The following CACNA1C variants were observed in gnomAD, a reference collection of about 807,000 sequenced individuals.
CACNA1C encodes voltage-dependent L-type calcium channel subunit alpha-1C.
In CACNA1C, 30 loss-of-function variants were observed where a neutral mutation model predicts 229.0. The ratio of observed to expected loss-of-function variants is 0.13; its 90% CI spans 0.10 to 0.18. The LOEUF (loss-of-function observed/expected upper bound fraction) is 0.18, where lower values mean the gene tolerates loss of function less well. Among genes scored for constraint, CACNA1C ranks in the 10% least tolerant of loss-of-function variants. CACNA1C has a pLI of 1.00. For synonymous variants in CACNA1C, 1,114 were observed against 1,132.5 expected, an observed-to-expected ratio of 0.98 and a Z score of 0.33; for missense variants, 1,658 against 2,845.0, an observed-to-expected ratio of 0.58 and a Z score of 9.49.
chr12:2,412,567 G>C (rs758821043), intron 3 of CACNA1C, among the ~76,000 whole-genome samples: 2 of 152,346 alleles, frequency 1.3e-5, no homozygotes, highest in Non-Finnish European at 2.9e-5. Flanking sequence ...ATTGAGCTGC[G>C]AGTGAGTAAG....
intron 9 of CACNA1C, among the ~76,000 whole-genome samples, chr12:2,517,183 TCA>T (rs2099798683): frequency 2.0e-5 from 3 of 152,204 alleles, no homozygotes; most frequent in African/African-American, 7.2e-5. Context: ...TCCTGGCAAA[TCA>T]GCCTTACCCT....
At chr12:2,196,780 C>T (rs1392691684) in intron 3 of CACNA1C, among the ~76,000 whole-genome samples, 1 of 152,202 alleles carries the variant, frequency 6.6e-6, no homozygotes, top group African/African-American at 2.4e-5. Context: ...TGTCTGCAGG[C>T]AGTCCCAGGG....
chr12:2,256,089 A>ACGATCCTGACCTGACTAGTTTACAAT (rs1600946534), intron 3 of CACNA1C, among the ~76,000 whole-genome samples: 2 of 152,238 alleles, frequency 1.3e-5, no homozygotes, highest in Admixed American at 6.5e-5. Flanking sequence ...TTACAATCAC[A>ACGATCCTGACCTGACTAGTTTACAAT]CCTCCTGTTT....
intron 30 of CACNA1C, among the ~76,000 whole-genome samples, chr12:2,645,984 C>G (rs754181246): frequency 1.3e-5 from 2 of 152,176 alleles, no homozygotes; most frequent in African/African-American, 4.8e-5. Context: ...CCTCATTCTT[C>G]CTCTTTCTAC....
rs11833518 is a variant in CACNA1C at position 2,354,631 on chromosome 12, A to G, written c.478-94345A>G. On this transcript the variant is annotated intron_variant, in intron 3 of 46. Transcript: ENST00000399655. This position sits in a 1 kb window ranked among gnomAD's most constrained non-coding sequence, Gnocchi z 4.6. Reference sequence around the variant, plus strand: ...TTGGGAGAGCCCAGGAACGGAGTCCATCCTTTCTCCTGGCCTCCAGGGAGA... The same window carrying G: ...TTGGGAGAGCCCAGGAACGGAGTCCGTCCTTTCTCCTGGCCTCCAGGGAGA... Among the ~76,000 whole-genome samples, 1,358 of 152,270 alleles carry G rather than the reference A, an allele frequency of 8.9e-3. 35 individuals carry two copies. The highest frequency in any genetic ancestry group is 0.031 in the African/African-American group (1,300 of 41,548).
chr12:2,585,252 T>A lies in CACNA1C; in HGVS notation c.2340-124T>A, dbSNP rs905821255. The A allele has an allele frequency of 2.3e-6, 2 of 877,854 alleles. No homozygotes were observed. Among genetic ancestry groups the A allele is most frequent in the Non-Finnish European group, 3.3e-6 (2 of 603,302 alleles). 54.4% of individuals were successfully genotyped at this position (877,854 alleles called of 1,614,324 possible). A position where few individuals can be genotyped will look rare whatever the true frequency, so the allele number is the denominator to read the frequency against. Reference sequence around the variant, plus strand: ...GAGAAGCGTCCTGGAGAAAGGAAGATGGACTCAGACCCAGGGGATCTGTCC... The same window carrying A: ...GAGAAGCGTCCTGGAGAAAGGAAGAAGGACTCAGACCCAGGGGATCTGTCC... On this transcript the variant is annotated intron_variant, in intron 16 of 46. Transcript: ENST00000399655. The surrounding 1 kb of genome is among the most constrained non-coding windows in gnomAD (Gnocchi z 4.1).
At chr12:2,218,715 G>A (rs948449136) in intron 3 of CACNA1C, among the ~76,000 whole-genome samples, 6 of 152,168 alleles carry the variant, frequency 3.9e-5, no homozygotes, top group East Asian at 1.9e-4. Context: ...ACTGTAATAC[G>A]TGAAATAGAT....
chr12:2,063,723 C>T (rs371261345), intron 1 of CACNA1C, among the ~76,000 whole-genome samples: 12 of 152,178 alleles, frequency 7.9e-5, no homozygotes, highest in African/African-American at 2.2e-4. Flanking sequence ...GTCAGGACTT[C>T]GTTCCTTTTT....
At chr12:2,514,703 C>T (rs759948890) in intron 9 of CACNA1C, among the ~76,000 whole-genome samples, 1 of 152,074 alleles carries the variant, frequency 6.6e-6, no homozygotes, top group Non-Finnish European at 1.5e-5. Flanking sequence ...TTCTGTAGCG[C>T]GTGTTATTGA....
intron 3 of CACNA1C, chr12:2,221,567 T>C (rs939240305): frequency 6.6e-6 from 1 of 152,140 alleles, no homozygotes; most frequent in African/African-American, 2.4e-5. Context: ...TGTTGGGAAG[T>C]TGGACATTTT....
At chr12:2,404,553 T>C (rs1388774404) in intron 3 of CACNA1C, among the ~76,000 whole-genome samples, 1 of 151,978 alleles carries the variant, frequency 6.6e-6, no homozygotes, top group African/African-American at 2.4e-5. Flanking sequence ...AGGATTCGAG[T>C]TCCTCTCAGA....
At chr12:2,451,418 G>C (rs2099367411) in intron 4 of CACNA1C, among the ~76,000 whole-genome samples, 1 of 152,344 alleles carries the variant, frequency 6.6e-6, no homozygotes, top group East Asian at 1.9e-4. Flanking sequence ...GGAGGGATGA[G>C]GGTGACTTGC....
Position 2,362,212 on chromosome 12 carries a change from G to A in CACNA1C, c.478-86764G>A, listed in dbSNP as rs115425781. 6.7e-3 allele frequency among the ~76,000 whole-genome samples: 1,022 copies of A among 152,238 alleles called. 13 individuals are homozygous for A. Among genetic ancestry groups the A allele is most frequent in the African/African-American group, 0.024 (978 of 41,536 alleles). ...GGTGTAGCCCCAGCTCTGAGGGGGC[G>A]TGAAGGCCACTGGGACATCTCCAGT... On this transcript the variant is annotated intron_variant, in intron 3 of 46. Transcript: ENST00000399655.
rs215981 is a variant in CACNA1C, at chr12:2,596,190, A to G, written c.2793+187A>G. On this transcript the variant is annotated intron_variant, in intron 20 of 46. Transcript: ENST00000399655. Reference sequence around the variant, plus strand: ...CCACCCTAGGACCACAAGCAAATAAAAGAGCATGTACCCAAATGCTCAGGC... The same window carrying G: ...CCACCCTAGGACCACAAGCAAATAAGAGAGCATGTACCCAAATGCTCAGGC... The G allele has an allele frequency of 0.23, 112,952 of 499,694 alleles. 15,027 individuals carry two copies. The highest frequency in any genetic ancestry group is 0.46 in the African/African-American group (23,445 of 50,742). The allele number at this position is 499,694 out of a possible 1,614,324, so 31.0% of individuals were successfully genotyped here. A position where few individuals can be genotyped will look rare whatever the true frequency, so the allele number is the denominator to read the frequency against.
intron 3 of CACNA1C, among the ~76,000 whole-genome samples, chr12:2,183,692 G>A (rs1281511816): frequency 1.3e-5 from 2 of 152,236 alleles, no homozygotes; most frequent in Non-Finnish European, 1.5e-5. Flanking sequence ...CTTGGTAGGC[G>A]AAAGGCCCCA....
chr12:2,431,830 G>T (rs1338633834), intron 3 of CACNA1C, among the ~76,000 whole-genome samples: 1 of 152,194 alleles, frequency 6.6e-6, no homozygotes. Flanking sequence ...CTGCAGTAAA[G>T]AGTCTTCAAT....
chr12:2,222,208 A>C (rs1038894473), intron 3 of CACNA1C: 3 of 152,368 alleles, frequency 2.0e-5, no homozygotes, highest in South Asian at 4.1e-4. Flanking sequence ...ACCATGTCCA[A>C]GTATAAACTG....
chr12:2,307,351 CTTTA>C (rs2095119081), intron 3 of CACNA1C, among the ~76,000 whole-genome samples: 1 of 152,158 alleles, frequency 6.6e-6, no homozygotes, highest in Non-Finnish European at 1.5e-5. Context: ...GTTTAACCTC[CTTTA>C]TTTAACAGTT....
At chr12:2,437,422 CACAA>C (rs1253647317) in intron 3 of CACNA1C, among the ~76,000 whole-genome samples, 2 of 152,202 alleles carry the variant, frequency 1.3e-5, no homozygotes, top group African/African-American at 4.8e-5. Flanking sequence ...TCCCTCTAAT[CACAA>C]ACAATGGGAA....
Sources: gnomAD v4.1 joint callset for allele counts (sites outside exome capture counted in the v4.1 genomes callset) on GRCh38, gnomAD v4.1.1 for gene constraint, Gnocchi (gnomAD v3.1) non-coding constraint, MANE v1.5 for transcripts, NCBI Gene and HGNC (gene_info 2026-07-23, HGNC 2026-07-21) for gene names.